Variants in HMGA2 observed in about 807,000 individuals in gnomAD.
HMGA2 encodes high mobility group AT-hook 2, also known as high mobility group protein HMGI-C.
A neutral mutation model predicts 19.1 loss-of-function variants in HMGA2; 8 were observed. The ratio of observed to expected loss-of-function variants is 0.42; its 90% confidence interval spans 0.25 to 0.76. HMGA2 has a LOEUF of 0.76. Ranked by LOEUF, HMGA2 falls within the 30% of genes least tolerant of loss-of-function variation. The pLI is 0.28. For synonymous variants in HMGA2, 60 were observed against 48.8 expected (o/e 1.23, Z -0.96); for missense variants, 109 against 136.3 (o/e 0.80, Z 1.00).
chr12:65,929,155 T>C (rs1875619576), intron 3 of HMGA2, among the ~76,000 whole-genome samples: 1 of 152,150 alleles, frequency 6.6e-6, no homozygotes, highest in Non-Finnish European at 1.5e-5. Context: ...CAAAACTCCT[T>C]CCTACATAAA....
At chr12:65,914,861 G>T (rs750645289) in intron 3 of HMGA2, 1 of 550,618 alleles carries the variant, frequency 1.8e-6, no homozygotes. Context: ...TTTTAGTAGA[G>T]ACAGGGTTTC....
intron 3 of HMGA2, among the ~76,000 whole-genome samples, chr12:65,941,014 C>T (rs1185067153): frequency 6.6e-6 from 1 of 152,136 alleles, no homozygotes; most frequent in Non-Finnish European, 1.5e-5. Context: ...TGAATGTGAT[C>T]GTGAAGCCGA....
chr12:65,828,983 G>C (rs1160953727), intron 2 of HMGA2: 1 of 152,164 alleles, frequency 6.6e-6, no homozygotes, highest in Non-Finnish European at 1.5e-5. Context: ...AAGTTTCTGC[G>C]TTGTATTTGT....
chr12:65,832,042 G>A (rs773420586), intron 2 of HMGA2, among the ~76,000 whole-genome samples: 1 of 151,698 alleles, frequency 6.6e-6, no homozygotes, highest in Non-Finnish European at 1.5e-5. Context: ...CCCTATCTGA[G>A]GATACAAATG....
intron 3 of HMGA2, among the ~76,000 whole-genome samples, chr12:65,948,255 T>C (rs1404788876): frequency 6.6e-6 from 1 of 152,188 alleles, no homozygotes; most frequent in African/African-American, 2.4e-5. Context: ...TTAAGGTGCA[T>C]GAAAATTTAC....
intron 3 of HMGA2, among the ~76,000 whole-genome samples, chr12:65,849,736 ATTT>A (rs34541445): frequency 4.0e-4 from 34 of 85,122 alleles, no homozygotes; most frequent in Middle Eastern, 8.3e-3. Context: ...TAGGCTCTGT[ATTT>A]TTTTTTTTTT....
chr12:65,942,078 T>C (rs1876108756), intron 3 of HMGA2, among the ~76,000 whole-genome samples: 1 of 152,234 alleles, frequency 6.6e-6, no homozygotes, highest in Non-Finnish European at 1.5e-5. Context: ...AACAACAAAT[T>C]TGGATATTAA....
At chr12:65,829,155 G>T (rs1326068123) in intron 2 of HMGA2, 1 of 152,028 alleles carries the variant, frequency 6.6e-6, no homozygotes, top group African/African-American at 2.4e-5. Context: ...TGTGACTGTG[G>T]GTACTAACTG....
intron 2 of HMGA2, chr12:65,828,369 T>TGGGGG: frequency 6.2e-6 from 1 of 160,498 alleles, no homozygotes; most frequent in Non-Finnish European, 1.0e-5. Context: ...AAGGAAGGGG[T>TGGGGG]TGCGGGGGGG....
At chr12:65,916,795 A>G (rs900883716) in intron 3 of HMGA2, among the ~76,000 whole-genome samples, 1 of 152,206 alleles carries the variant, frequency 6.6e-6, no homozygotes, top group Non-Finnish European at 1.5e-5. Flanking sequence ...AGGGCTTAGT[A>G]GAAGAATTGA....
chr12:65,887,239 C>G (rs1873695962), intron 3 of HMGA2, among the ~76,000 whole-genome samples: 1 of 152,072 alleles, frequency 6.6e-6, no homozygotes, highest in Admixed American at 6.5e-5. Context: ...CTTGGCTATT[C>G]TTTTTCAAGC....
At chr12:65,831,642 T>A (rs1398654434) in intron 2 of HMGA2, among the ~76,000 whole-genome samples, 1 of 151,874 alleles carries the variant, frequency 6.6e-6, no homozygotes, top group African/African-American at 2.4e-5. Context: ...ATGTTTGATT[T>A]GCTATAAAAA....
intron 3 of HMGA2, among the ~76,000 whole-genome samples, chr12:65,935,786 T>C (rs972688418): frequency 6.6e-6 from 1 of 152,192 alleles, no homozygotes; most frequent in Non-Finnish European, 1.5e-5. Flanking sequence ...TGGTAGTCAT[T>C]AATTAAATTT....
chr12:65,930,961 G>T (rs1039823499), intron 3 of HMGA2, among the ~76,000 whole-genome samples: 24 of 152,188 alleles, frequency 1.6e-4, no homozygotes, highest in Admixed American at 4.6e-4. Flanking sequence ...AAAAAGGAAG[G>T]AAAAAATGTA....
chr12:65,878,179 T>C (rs1226832421), intron 3 of HMGA2, among the ~76,000 whole-genome samples: 3 of 152,222 alleles, frequency 2.0e-5, no homozygotes, highest in Admixed American at 1.3e-4. Context: ...CATAGAAAAC[T>C]GTTTTTAAGC....
chr12:65,852,751 G>A (rs2120933267), intron 3 of HMGA2, among the ~76,000 whole-genome samples: 1 of 152,236 alleles, frequency 6.6e-6, no homozygotes, highest in South Asian at 2.1e-4. Flanking sequence ...GAAAGGTATT[G>A]GGTTCATGTG....
chr12:65,831,251 G>A (rs1349900657), intron 2 of HMGA2, among the ~76,000 whole-genome samples: 1 of 151,824 alleles, frequency 6.6e-6, no homozygotes, highest in Non-Finnish European at 1.5e-5. Context: ...TGGTTAGAGA[G>A]AAAGAAGTTA....
Position 65,828,072 on chromosome 12 carries a change from T to G in HMGA2, c.183T>G (p.Ser61=). ...AAGGCAGCAAAAACAAGAGTCCCTCTAAAGCAGCTCAAAAGGTGAGATTTC... is the reference window on the plus strand; with the variant it reads ...AAGGCAGCAAAAACAAGAGTCCCTCGAAAGCAGCTCAAAAGGTGAGATTTC... ...RPKGSKNKSP[S]KAAQKKAEAT... is the part of the protein sequence containing the mutation. The change falls in exon 2 of 5, where the codon TCT becomes TCG. Residue 61 remains serine, a synonymous_variant. Transcript: ENST00000403681. The G allele has an allele frequency of 6.2e-7, 1 of 1,613,044 alleles. No homozygotes were observed. Among genetic ancestry groups the G allele is most frequent in the Non-Finnish European group, 8.5e-7 (1 of 1,179,094 alleles).
intron 4 of HMGA2, among the ~76,000 whole-genome samples, chr12:65,962,266 G>T (rs1191692752): frequency 1.3e-5 from 2 of 152,158 alleles, no homozygotes; most frequent in Non-Finnish European, 2.9e-5. Flanking sequence ...GTCCTGAAAG[G>T]TACTGCACAT....
Sources: allele counts gnomAD v4.1 joint callset (sites outside exome capture counted in the v4.1 genomes callset), GRCh38; gene constraint gnomAD v4.1.1; transcripts MANE v1.5; gene names NCBI Gene and HGNC (gene_info 2026-07-23, HGNC 2026-07-21).